The following CLIC5 variants were observed in gnomAD, a reference collection of about 807,000 sequenced individuals.
CLIC5 encodes the protein CLIC family member 5.
In CLIC5, 20 loss-of-function variants were observed where a neutral mutation model predicts 24.7. That is an observed-to-expected ratio of 0.81 (90% CI 0.57 to 1.18). CLIC5 has a LOEUF of 1.18. Among genes scored for constraint, CLIC5 ranks in the 50% most tolerant of loss-of-function variants. The probability of loss-of-function intolerance (pLI) is 0.00; values close to 1 mark genes in which losing one functional copy is unlikely to be tolerated. For missense variants in CLIC5, 341 were observed against 326.1 expected (o/e 1.05, Z -0.35); for synonymous variants, 159 against 135.6 (o/e 1.17, Z -1.20).
At chr6:46,122,973 C>G in the CLIC5 span, 1 of 152,156 alleles carries the variant, frequency 6.6e-6, no homozygotes, top group Non-Finnish European at 1.5e-5. Flanking sequence ...CAGGACCAGA[C>G]AGACTGACAG....
upstream of CLIC5, among the ~76,000 whole-genome samples, chr6:46,020,519 A>T (rs994743733): frequency 6.6e-6 from 1 of 152,096 alleles, no homozygotes. Context: ...ATGGAACTAG[A>T]AAAAAGAACA....
the CLIC5 span, among the ~76,000 whole-genome samples, chr6:46,125,781 C>T: frequency 1.3e-5 from 2 of 152,054 alleles, no homozygotes; most frequent in Non-Finnish European, 2.9e-5. Flanking sequence ...CAATGATGGC[C>T]ACCAGCAGCT....
intron 4 of CLIC5, among the ~76,000 whole-genome samples, chr6:45,930,788 A>C (rs1297968984): frequency 6.6e-6 from 1 of 152,214 alleles, no homozygotes; most frequent in Non-Finnish European, 1.5e-5. Flanking sequence ...AACTGTCCTA[A>C]GTGATTTATA....
At chr6:46,027,424 C>G (rs988816716) in intron 1 of CLIC5, among the ~76,000 whole-genome samples, 1 of 152,196 alleles carries the variant, frequency 6.6e-6, no homozygotes, top group African/African-American at 2.4e-5. Flanking sequence ...TGAATTCCCC[C>G]ATTATATCCC....
intron 2 of CLIC5, among the ~76,000 whole-genome samples, chr6:45,954,324 C>T (rs907029818): frequency 2.4e-4 from 36 of 149,114 alleles, no homozygotes; most frequent in Non-Finnish European, 4.2e-4. Flanking sequence ...AAAAGGAGTT[C>T]AAGAAGAGCT....
chr6:46,112,025 C>CAGTCTCAAGTATAAATTAACT, the CLIC5 span, among the ~76,000 whole-genome samples: 1 of 152,188 alleles, frequency 6.6e-6, no homozygotes, highest in Non-Finnish European at 1.5e-5. Context: ...ATAAATTAAC[C>CAGTCTCAAGTATAAATTAACT]AGTCTCAAGT....
rs529019509 is a variant in CLIC5, at chr6:45,949,393, G to A, written c.174-12C>T. The stretch of plus-strand genomic sequence containing the variant: ...GGTCAGCTGGCTTTCTGTAGAGAGA[G>A]CAAGATTCAGGTGTTGGCTTACAGC... On this transcript the variant is annotated splice_polypyrimidine_tract_variant and intron_variant, in intron 2 of 5. Coordinates refer to ENST00000339561, the MANE Select transcript of CLIC5 (RefSeq NM_016929.5). The A allele has an allele frequency of 4.3e-6, 7 of 1,610,732 alleles. No homozygotes were observed. In the South Asian group the frequency reaches 5.5e-5, roughly 13 times the overall value.
At chr6:46,056,544 C>T (rs1342871397) in intron 1 of CLIC5, among the ~76,000 whole-genome samples, 1 of 152,168 alleles carries the variant, frequency 6.6e-6, no homozygotes, top group Non-Finnish European at 1.5e-5. Context: ...CAGCTGTGCC[C>T]ATCTCTTTCC....
At chr6:45,954,107 C>G (rs1764559046) in intron 2 of CLIC5, among the ~76,000 whole-genome samples, 1 of 151,790 alleles carries the variant, frequency 6.6e-6, no homozygotes, top group African/African-American at 2.4e-5. Flanking sequence ...AACCCCGTCT[C>G]TACTAAAAAT....
At position 45,949,442 on chromosome 6, in the gene CLIC5, C is replaced by A; in HGVS notation, c.174-61G>T. On this transcript the variant is annotated intron_variant, in intron 2 of 5. Transcript: ENST00000339561. ...GCAGGGTGCTTCCTGTTCTGGGAAA[C>A]CTAAGATTGATTGTAACTTAGATGC... The A allele has an allele frequency of 2.6e-6, 4 of 1,559,802 alleles. 1 individual carries two copies. The highest frequency in any genetic ancestry group is 2.4e-5 in the South Asian group (2 of 83,850).
the CLIC5 span, among the ~76,000 whole-genome samples, chr6:46,095,663 G>T: frequency 1.3e-5 from 2 of 152,302 alleles, no homozygotes; most frequent in South Asian, 2.1e-4. Context: ...CTGCAGCCTG[G>T]ATTTCATTGT....
chr6:46,051,429 G>A (rs1029268597), intron 1 of CLIC5, among the ~76,000 whole-genome samples: 2 of 152,210 alleles, frequency 1.3e-5, no homozygotes, highest in Middle Eastern at 3.2e-3. Context: ...AGATTGCTGA[G>A]TCTCTTGTTT....
downstream of CLIC5, among the ~76,000 whole-genome samples, chr6:45,894,701 A>G (rs928849644): frequency 6.6e-6 from 1 of 152,226 alleles, no homozygotes; most frequent in Admixed American, 6.5e-5. Flanking sequence ...AGGGAAGGAT[A>G]TTTACAGGGT....
At chr6:45,976,515 T>A (rs1054653075) in intron 1 of CLIC5, among the ~76,000 whole-genome samples, 4 of 152,182 alleles carry the variant, frequency 2.6e-5, no homozygotes, top group African/African-American at 9.7e-5. Flanking sequence ...GAAGGCATGG[T>A]TAGACATAGA....
At chr6:45,939,101 C>A (rs1190991489) in intron 4 of CLIC5, among the ~76,000 whole-genome samples, 1 of 152,120 alleles carries the variant, frequency 6.6e-6, no homozygotes, top group Non-Finnish European at 1.5e-5. Flanking sequence ...TCCTTCCTTG[C>A]CTCTTCCAGC....
At chr6:46,052,125 GA>G (rs11352899) in intron 1 of CLIC5, among the ~76,000 whole-genome samples, 87,469 of 146,768 alleles carry the variant, frequency 0.6, 25,763 homozygotes, top group African/African-American at 0.7. Context: ...AGATTTCCCT[GA>G]AAAAAAAAAA....
the CLIC5 span, among the ~76,000 whole-genome samples, chr6:46,110,197 C>T: frequency 1.3e-5 from 2 of 152,218 alleles, no homozygotes; most frequent in African/African-American, 4.8e-5. Context: ...GACCTTTTGT[C>T]CTCCACATTC....
At chr6:46,087,908 G>A in the CLIC5 span, among the ~76,000 whole-genome samples, 2 of 152,262 alleles carry the variant, frequency 1.3e-5, no homozygotes, top group African/African-American at 4.8e-5. Context: ...TAAACGAGCT[G>A]CATATTTGTC....
the CLIC5 span, among the ~76,000 whole-genome samples, chr6:46,124,507 T>C: frequency 6.6e-6 from 1 of 152,192 alleles, no homozygotes; most frequent in Non-Finnish European, 1.5e-5. Flanking sequence ...ATTCAGGACA[T>C]AGGCATGGGC....
Sources: gnomAD v4.1 joint callset for allele counts (sites outside exome capture counted in the v4.1 genomes callset) on GRCh38, gnomAD v4.1.1 for gene constraint, MANE v1.5 for transcripts, NCBI Gene and HGNC (gene_info 2026-07-23, HGNC 2026-07-21) for gene names.